Variants in KCNQ5 observed in about 807,000 individuals in gnomAD.
The protein encoded by KCNQ5 is potassium voltage-gated channel subfamily Q member 5, also known as potassium voltage-gated channel subfamily KQT member 5.
A neutral mutation model predicts 98.2 loss-of-function variants in KCNQ5; 30 were observed. The observed-to-expected ratio is 0.31, with a 90% CI of 0.23 to 0.41. The LOEUF (loss-of-function observed/expected upper bound fraction) is 0.41. Ranked by LOEUF, KCNQ5 falls within the 10% of genes least tolerant of loss-of-function variation. The pLI is 1.00. For missense variants in KCNQ5, 835 were observed against 1,182.5 expected, an observed-to-expected ratio of 0.71 and a Z score of 4.31; for synonymous variants, 458 against 449.4, an observed-to-expected ratio of 1.02 and a Z score of -0.24.
chr6:73,124,646 G>A, intron 9 of KCNQ5, 134 bp downstream of exon 9: 1 of 790,392 alleles, frequency 1.3e-6, no homozygotes, highest in South Asian at 1.5e-5. Flanking sequence ...AAGATTGCCT[G>A]CAAAGATTGC....
At chr6:72,647,398 A>G (rs1765646921) in intron 1 of KCNQ5, among the ~76,000 whole-genome samples, 1 of 152,060 alleles carries the variant, frequency 6.6e-6, no homozygotes, top group Non-Finnish European at 1.5e-5. Flanking sequence ...CATTAAGAAG[A>G]GAAACCTGGT....
intron 1 of KCNQ5, among the ~76,000 whole-genome samples, chr6:72,914,423 T>A (rs1457642812): frequency 6.6e-6 from 1 of 150,856 alleles, no homozygotes; most frequent in Non-Finnish European, 1.5e-5. Flanking sequence ...CAGAAGGGAG[T>A]ACTTTAGGGA....
chr6:72,831,062 T>C (rs976122025), intron 1 of KCNQ5, among the ~76,000 whole-genome samples: 21 of 152,088 alleles, frequency 1.4e-4, no homozygotes, highest in African/African-American at 4.8e-4. Context: ...TGGCGATCAT[T>C]AAAAAGTCAG....
intron 1 of KCNQ5, among the ~76,000 whole-genome samples, chr6:72,837,893 A>C (rs1280130089): frequency 1.3e-5 from 2 of 152,178 alleles, no homozygotes; most frequent in Admixed American, 1.3e-4. Context: ...AATCTGGCTA[A>C]ATAGAAACCT....
chr6:72,960,888 G>A (rs1252356080), intron 1 of KCNQ5, among the ~76,000 whole-genome samples: 1 of 152,238 alleles, frequency 6.6e-6, no homozygotes, highest in East Asian at 1.9e-4. Context: ...AGAGGTGGGA[G>A]GATCATTTAA....
intron 1 of KCNQ5, among the ~76,000 whole-genome samples, chr6:72,701,954 A>G (rs1768831174): frequency 6.6e-6 from 1 of 152,112 alleles, no homozygotes; most frequent in Admixed American, 6.6e-5. Context: ...TCGGCCTCCC[A>G]AAGTGCTGGC....
At chr6:73,065,525 C>T (rs910769716) in intron 3 of KCNQ5, among the ~76,000 whole-genome samples, 2 of 152,198 alleles carry the variant, frequency 1.3e-5, no homozygotes, top group Non-Finnish European at 2.9e-5. Context: ...TGGTTGGTTT[C>T]CCAAAGGTAA....
chr6:72,706,222 T>C (rs1164727095), intron 1 of KCNQ5, among the ~76,000 whole-genome samples: 1 of 151,994 alleles, frequency 6.6e-6, no homozygotes, highest in African/African-American at 2.4e-5. Flanking sequence ...TAGCCATCAT[T>C]ATTTCTTATT....
At chr6:72,802,033 G>A (rs547347609) in intron 1 of KCNQ5, among the ~76,000 whole-genome samples, 15 of 152,204 alleles carry the variant, frequency 9.9e-5, no homozygotes, top group African/African-American at 1.9e-4. Flanking sequence ...AGGGTAACCC[G>A]ACCTTTCTCT....
At chr6:73,185,049 G>T (rs565745687) in intron 11 of KCNQ5, among the ~76,000 whole-genome samples, 3 of 152,348 alleles carry the variant, frequency 2.0e-5, no homozygotes, top group South Asian at 2.1e-4. Context: ...TGCATTCAAG[G>T]TTCTCACACA....
At chr6:73,161,230 G>A (rs1357115324) in intron 10 of KCNQ5, among the ~76,000 whole-genome samples, 1 of 152,164 alleles carries the variant, frequency 6.6e-6, no homozygotes, top group East Asian at 1.9e-4. Context: ...GATCATATGT[G>A]CTCATTCATA....
rs528252922 is a variant in KCNQ5 at position 73,160,025 on chromosome 6, G to T, written c.1469-9721G>T. 4.3e-3 allele frequency among the ~76,000 whole-genome samples: 619 copies of T among 145,244 alleles called. 3 individuals carry two copies. Among genetic ancestry groups the T allele is most frequent in the African/African-American group, 0.015 (579 of 37,438 alleles). On this transcript the variant is annotated intron_variant, in intron 10 of 13. Coordinates refer to ENST00000370398, the MANE Select transcript of KCNQ5 (RefSeq NM_019842.4). The stretch of plus-strand genomic sequence containing the variant: ...TGTTTGTTTGTTTGTTTGTTTGTTT[G>T]TTTTTTGAGACAGAGTCTCGCTCTG...
At chr6:72,726,832 A>G (rs537051039) in intron 1 of KCNQ5, among the ~76,000 whole-genome samples, 1 of 152,162 alleles carries the variant, frequency 6.6e-6, no homozygotes, top group Non-Finnish European at 1.5e-5. Context: ...AGTTCTAATG[A>G]TTTTTTAATT....
intron 9 of KCNQ5, among the ~76,000 whole-genome samples, chr6:73,124,867 TC>T (rs928047647): frequency 6.7e-6 from 1 of 148,456 alleles, no homozygotes; most frequent in Non-Finnish European, 1.5e-5. Flanking sequence ...AAATTTTTTT[TC>T]TGAATGTAAA....
intron 7 of KCNQ5, 29 bp from the exon 8 acceptor site, chr6:73,120,454 T>C (rs1775700268): frequency 6.6e-7 from 1 of 1,514,352 alleles, no homozygotes; most frequent in Non-Finnish European, 9.1e-7. Context: ...CTTTTTTCTT[T>C]TTCATGTCCC....
At position 73,093,226 on chromosome 6, in the gene KCNQ5, G is replaced by T. The variant is rs564637207; in HGVS notation, c.919-12031G>T. Among the ~76,000 whole-genome samples the T allele has an allele frequency of 3.9e-5, 6 of 152,208 alleles. No homozygotes were observed. The South Asian group carries it at 1.2e-3, about 32-fold the overall frequency. On this transcript the variant is annotated intron_variant, in intron 5 of 13. Coordinates refer to ENST00000370398, the MANE Select transcript of KCNQ5 (RefSeq NM_019842.4). ...TCATAGTAGCCTTGAATGATCTTTT[G>T]TATTTCTGTGGTGTCAGTTGTAATA...
chr6:72,848,714 G>A (rs1777116676), intron 1 of KCNQ5, among the ~76,000 whole-genome samples: 1 of 152,114 alleles, frequency 6.6e-6, no homozygotes, highest in African/African-American at 2.4e-5. Flanking sequence ...CCATGTTGTG[G>A]GAGGTTATTG....
chr6:73,125,801 T>C (rs1775959260), intron 9 of KCNQ5, among the ~76,000 whole-genome samples: 3 of 148,480 alleles, frequency 2.0e-5, no homozygotes, highest in African/African-American at 7.5e-5. Flanking sequence ...ACCCAAGGGA[T>C]GGCATTAAAG....
chr6:73,098,615 A>C (rs754976075), intron 5 of KCNQ5, among the ~76,000 whole-genome samples: 1 of 152,180 alleles, frequency 6.6e-6, no homozygotes, highest in Non-Finnish European at 1.5e-5. Context: ...TAAAGTGCTG[A>C]AGGGAAAAAA....
Sources: gnomAD v4.1 joint callset for allele counts (sites outside exome capture counted in the v4.1 genomes callset) on GRCh38, gnomAD v4.1.1 for gene constraint, MANE v1.5 for transcripts, NCBI Gene and HGNC (gene_info 2026-07-23, HGNC 2026-07-21) for gene names.